Variants in FRMD4A observed in about 807,000 individuals in gnomAD.
The protein encoded by FRMD4A is FERM domain-containing protein 4A.
A neutral mutation model predicts 129.1 loss-of-function variants in FRMD4A; 29 were observed. The observed-to-expected ratio is 0.22, with a 90% CI of 0.17 to 0.31. The LOEUF (loss-of-function observed/expected upper bound fraction) is 0.31. FRMD4A is among the 10% of genes least tolerant of loss of function. FRMD4A has a pLI of 1.00. For synonymous variants in FRMD4A, 634 were observed against 571.6 expected, an observed-to-expected ratio of 1.11 and a Z score of -1.56; for missense variants, 1,272 against 1,375.8, an observed-to-expected ratio of 0.92 and a Z score of 1.19.
At chr10:13,853,176 C>T (rs2094162721) in intron 3 of FRMD4A, among the ~76,000 whole-genome samples, 2 of 152,094 alleles carry the variant, frequency 1.3e-5, no homozygotes, top group Admixed American at 1.3e-4. Context: ...AAGCAAGGTG[C>T]GAGGTTCACT....
At chr10:14,165,072 C>A (rs1841103069) in intron 2 of FRMD4A, among the ~76,000 whole-genome samples, 1 of 152,098 alleles carries the variant, frequency 6.6e-6, no homozygotes, top group South Asian at 2.1e-4. Context: ...AGTAAATAGA[C>A]AACCTATAGA....
At chr10:14,262,114 A>T (rs1296122566) in intron 2 of FRMD4A, among the ~76,000 whole-genome samples, 1 of 152,174 alleles carries the variant, frequency 6.6e-6, no homozygotes, top group East Asian at 1.9e-4. Context: ...TTGATTGATA[A>T]ATGTAAAGAG....
chr10:14,216,923 G>A (rs1276797890), intron 2 of FRMD4A, among the ~76,000 whole-genome samples: 1 of 152,026 alleles, frequency 6.6e-6, no homozygotes, highest in Non-Finnish European at 1.5e-5. Flanking sequence ...TAATAATTCA[G>A]TTTGTTTAAC....
In FRMD4A at chr10:14,328,417, T is replaced by A. The variant is rs1013440991; in HGVS notation, c.45+1641A>T. Among the ~76,000 whole-genome samples the A allele has an allele frequency of 1.7e-4, 25 of 149,872 alleles. 1 individual carries two copies. Among genetic ancestry groups the A allele is most frequent in the Admixed American group, 8.0e-4 (12 of 15,064 alleles). ...CAGAAATGGATGCTATTCATTTAAT[T>A]TGGATACCAAGGATTCATGCTTAGG... On this transcript the variant is annotated intron_variant, in intron 2 of 24. Coordinates refer to ENST00000357447, the MANE Select transcript of FRMD4A (RefSeq NM_018027.5).
intron 2 of FRMD4A, among the ~76,000 whole-genome samples, chr10:14,238,517 T>G (rs1216534854): frequency 6.6e-6 from 1 of 152,102 alleles, no homozygotes; most frequent in East Asian, 1.9e-4. Context: ...ATTTTATTAT[T>G]TATTTATTTA....
intron 2 of FRMD4A, among the ~76,000 whole-genome samples, chr10:13,884,168 T>TCACACACACTCA: frequency 1.5e-5 from 1 of 67,496 alleles, no homozygotes. Flanking sequence ...ACACACACAC[T>TCACACACACTCA]CACACACTCA....
At chr10:13,886,168 G>A (rs1010566659) in intron 2 of FRMD4A, among the ~76,000 whole-genome samples, 18 of 152,054 alleles carry the variant, frequency 1.2e-4, no homozygotes, top group Non-Finnish European at 2.1e-4. Flanking sequence ...GCAACTCGCC[G>A]ATTATTATTT....
intron 2 of FRMD4A, among the ~76,000 whole-genome samples, chr10:13,911,175 G>C (rs542582383): frequency 6.6e-6 from 1 of 152,134 alleles, no homozygotes; most frequent in Non-Finnish European, 1.5e-5. Context: ...ATGAAGAGTG[G>C]CTCACAAATC....
At chr10:13,776,533 C>G (rs2092600561) in intron 6 of FRMD4A, among the ~76,000 whole-genome samples, 1 of 152,188 alleles carries the variant, frequency 6.6e-6, no homozygotes, top group African/African-American at 2.4e-5. Context: ...AAAACTGTTG[C>G]AAGTGGCAGG....
chr10:13,670,504 C>T lies in FRMD4A; in HGVS notation c.1276G>A (p.Glu426Lys), dbSNP rs2083425298. The T allele has an allele frequency of 6.2e-7, 1 of 1,613,354 alleles. No individual in the cohort carries two copies. The highest frequency in any genetic ancestry group is 8.5e-7 in the Non-Finnish European group (1 of 1,179,550). Residue 426 changes from glutamate to lysine, a missense_variant, in exon 17 of 25, where the codon GAA becomes AAA. By Grantham distance (56) the Glu-to-Lys change is moderately conservative. Coordinates refer to ENST00000357447, the MANE Select transcript of FRMD4A (RefSeq NM_018027.5). ...EAELTGKLPV[E>K]YPLDPGEEPP... The stretch of plus-strand genomic sequence containing the variant: ...TCCTCCCCTGGATCCAGGGGATATT[C>T]TACTGGCAGCTTGCCCGTGAGCTCC...
intron 2 of FRMD4A, among the ~76,000 whole-genome samples, chr10:13,998,608 C>T (rs2095631086): frequency 6.6e-6 from 1 of 152,206 alleles, no homozygotes; most frequent in Admixed American, 6.5e-5. Flanking sequence ...CAGTGGTTCC[C>T]ATCTTGGTAA....
At chr10:14,236,605 A>G (rs962842290) in intron 2 of FRMD4A, among the ~76,000 whole-genome samples, 3 of 152,166 alleles carry the variant, frequency 2.0e-5, no homozygotes, top group Non-Finnish European at 2.9e-5. Flanking sequence ...AGGGCTTCCA[A>G]TCAGCTGGGT....
At chr10:13,963,087 C>T (rs1369053143) in intron 2 of FRMD4A, among the ~76,000 whole-genome samples, 3 of 152,108 alleles carry the variant, frequency 2.0e-5, no homozygotes, top group Admixed American at 6.5e-5. Context: ...TAAGAAAGTA[C>T]TGTTGCAAAC....
chr10:13,873,950 A>C (rs940658021), intron 2 of FRMD4A, among the ~76,000 whole-genome samples: 1 of 151,890 alleles, frequency 6.6e-6, no homozygotes, highest in African/African-American at 2.4e-5. Context: ...ATATTGTTTG[A>C]AGCAAGTAGA....
At chr10:13,924,899 C>T (rs186547189) in intron 2 of FRMD4A, among the ~76,000 whole-genome samples, 1 of 151,866 alleles carries the variant, frequency 6.6e-6, no homozygotes, top group East Asian at 1.9e-4. Context: ...CCCGTCTCTA[C>T]TAAAAATACA....
rs142219825 is a variant in FRMD4A at position 14,244,767 on chromosome 10, T to C, written c.45+85291A>G. On this transcript the variant is annotated intron_variant, in intron 2 of 24. Coordinates refer to ENST00000357447, the MANE Select transcript of FRMD4A (RefSeq NM_018027.5). Reference sequence around the variant, plus strand: ...AACATCACACCCAGGAAGGCAGCACTTAGAATCAAATACAAATTCGTCTGA... The same window carrying C: ...AACATCACACCCAGGAAGGCAGCACCTAGAATCAAATACAAATTCGTCTGA... 2.0e-5 allele frequency among the ~76,000 whole-genome samples: 3 copies of C among 152,298 alleles called. No homozygotes were observed. The East Asian group carries it at 5.8e-4, about 29-fold the overall frequency.
intron 2 of FRMD4A, among the ~76,000 whole-genome samples, chr10:14,308,859 G>C (rs904650034): frequency 6.6e-6 from 1 of 152,178 alleles, no homozygotes; most frequent in Middle Eastern, 3.2e-3. Flanking sequence ...AGTTGAAAAC[G>C]TGACCTACCA....
intron 3 of FRMD4A, among the ~76,000 whole-genome samples, chr10:13,816,027 G>T (rs1181934838): frequency 6.6e-6 from 1 of 152,200 alleles, no homozygotes; most frequent in Non-Finnish European, 1.5e-5. Flanking sequence ...CTGAGCAGTA[G>T]CTGCCTGGCT....
At chr10:13,924,378 C>G (rs1393301593) in intron 2 of FRMD4A, among the ~76,000 whole-genome samples, 1 of 151,166 alleles carries the variant, frequency 6.6e-6, no homozygotes, top group African/African-American at 2.4e-5. Flanking sequence ...CTTTCTACCC[C>G]ATCTTATCTC....
Sources: allele counts gnomAD v4.1 joint callset (sites outside exome capture counted in the v4.1 genomes callset), GRCh38; gene constraint gnomAD v4.1.1; transcripts MANE v1.5; gene names NCBI Gene and HGNC (gene_info 2026-07-23, HGNC 2026-07-21).